Variants in CACNA1G observed in about 807,000 individuals in gnomAD.
The protein encoded by CACNA1G is calcium voltage-gated channel subunit alpha1 G.
In CACNA1G, 67 loss-of-function variants were observed where a neutral mutation model predicts 219.4. The observed-to-expected ratio is 0.31, with a 90% CI of 0.25 to 0.37. The LOEUF is 0.37. Ranked by LOEUF, CACNA1G falls within the 10% of genes least tolerant of loss-of-function variation. CACNA1G has a pLI of 1.00. For missense variants in CACNA1G, 2,380 were observed against 3,231.4 expected (o/e 0.74, Z 6.39); for synonymous variants, 1,296 against 1,345.3 (o/e 0.96, Z 0.80).
intron 13 of CACNA1G, 45 bp downstream of exon 13, chr17:50,592,137 A>G: frequency 6.4e-7 from 1 of 1,559,308 alleles, no homozygotes; most frequent in Non-Finnish European, 8.7e-7. Context: ...CAGCAGTCCC[A>G]CTTCCAATTG....
chr17:50,576,250 C>A lies in CACNA1G; in HGVS notation c.1848C>A (p.Pro616=). 3.8e-6 allele frequency: 6 copies of A among 1,596,500 alleles called. No homozygotes were observed. Among genetic ancestry groups the A allele is most frequent in the East Asian group, 2.3e-5 (1 of 43,780 alleles). The stretch of plus-strand genomic sequence containing the variant: ...TAGAGGTGGCTGCCAGCTCTGGGCC[C>A]CCAACCCTCACCAGCCTCAACATCC... ...ALVEVAASSG[P]PTLTSLNIPP... The change falls in exon 8 of 38, where the codon CCC becomes CCA. Residue 616 remains proline (P), a synonymous_variant. Coordinates refer to ENST00000359106, the MANE Select transcript of CACNA1G (RefSeq NM_018896.5).
chr17:50,595,737 C>G (rs1428638484), intron 14 of CACNA1G, among the ~76,000 whole-genome samples: 6 of 152,376 alleles, frequency 3.9e-5, no homozygotes, highest in African/African-American at 1.4e-4. Flanking sequence ...AGCCAGCATT[C>G]CTGTGGGACC....
chr17:50,624,171 C>A, intron 36 of CACNA1G, 96 bp downstream of exon 36: 1 of 1,460,444 alleles, frequency 6.8e-7, no homozygotes, highest in Non-Finnish European at 9.4e-7. Flanking sequence ...ACTGAGGCAG[C>A]CAAAGAGGTA....
At position 50,617,967 on chromosome 17, in the gene CACNA1G, T is replaced by G. The variant is rs1598742306; in HGVS notation, c.5226+38T>G. On this transcript the variant is annotated intron_variant, in intron 30 of 37. Coordinates refer to ENST00000359106, the MANE Select transcript of CACNA1G (RefSeq NM_018896.5). The surrounding 1 kb of genome is among the most constrained non-coding windows in gnomAD (Gnocchi z 5.8). ...TGGGGGGCCTCTGGGGAGGGGGAGGTGCTTTCCAGAGGGAAGGGGCTCAGA... is the reference window on the plus strand; with the variant it reads ...TGGGGGGCCTCTGGGGAGGGGGAGGGGCTTTCCAGAGGGAAGGGGCTCAGA... 6.2e-7 allele frequency: 1 copy of G among 1,611,644 alleles called. No homozygotes were observed. Among genetic ancestry groups the G allele is most frequent in the Non-Finnish European group, 8.5e-7 (1 of 1,178,320 alleles).
At chr17:50,590,779 C>T (rs549574805) in intron 10 of CACNA1G, among the ~76,000 whole-genome samples, 157 bp downstream of exon 10, 56 of 152,274 alleles carry the variant, frequency 3.7e-4, no homozygotes, top group African/African-American at 8.7e-4. Flanking sequence ...GTGGGGGGCT[C>T]TCTGTGTCCC....
At chr17:50,619,899 G>C in intron 34 of CACNA1G, 73 bp downstream of exon 34, 10 of 1,433,044 alleles carry the variant, frequency 7.0e-6, no homozygotes, top group Non-Finnish European at 9.3e-6. Flanking sequence ...ATGCTTCTGG[G>C]GAAGCTGGGA....
At chr17:50,568,752 C>G in intron 1 of CACNA1G, 118 bp from the exon 2 acceptor site, 1 of 782,730 alleles carries the variant, frequency 1.3e-6, no homozygotes, top group South Asian at 1.5e-5. Flanking sequence ...GGCCCTGGCA[C>G]CACACCTGCT....
Position 50,607,992 on chromosome 17 carries a change from C to A in CACNA1G, c.4678C>A (p.Leu1560Ile). 6.2e-7 allele frequency: 1 copy of A among 1,612,004 alleles called. No individual in the cohort carries two copies. The highest frequency in any genetic ancestry group is 1.1e-5 in the South Asian group (1 of 90,738). The change falls in exon 25 of 38, where the codon CTA becomes ATA. Residue 1560 changes from leucine (L) to isoleucine (I), a missense_variant. Physicochemically the swap from Leu to Ile is conservative, Grantham distance 5. Coordinates refer to ENST00000359106, the MANE Select transcript of CACNA1G (RefSeq NM_018896.5). ...EEARRREEKR[L>I]RRLEKKRRNL... is the part of the protein sequence containing the mutation. The stretch of plus-strand genomic sequence containing the variant: ...GGCCCGGCGGCGGGAGGAGAAGCGC[C>A]TACGAAGACTGGAGAAAAAGAGAAG...
At chr17:50,569,644 C>G in intron 3 of CACNA1G, 62 bp from the exon 4 acceptor site, 1 of 1,165,370 alleles carries the variant, frequency 8.6e-7, no homozygotes, top group Non-Finnish European at 1.2e-6. Context: ...TCCTCATTGA[C>G]CTCTTTTGAC....
rs563655213 is a variant in CACNA1G, at chr17:50,565,412, C to T, written c.243-3458C>T. On this transcript the variant is annotated intron_variant, in intron 1 of 37. Transcript: ENST00000359106. ...CGGGGGGTTCTGCTGGGGGAATCCC[C>T]CTTTGAGCTTTGGAGCAGGGCGGAG... 3.9e-4 allele frequency among the ~76,000 whole-genome samples: 60 copies of T among 152,134 alleles called. 1 individual carries two copies. The East Asian group carries it at 0.011, about 29-fold the overall frequency.
chr17:50,609,960 A>G, intron 26 of CACNA1G, 25 bp downstream of exon 26: 2 of 1,603,252 alleles, frequency 1.2e-6, no homozygotes, highest in Non-Finnish European at 1.7e-6. Flanking sequence ...GTGTGGGCTC[A>G]TGCGTGTGGG....
chr17:50,580,805 G>A, intron 9 of CACNA1G, among the ~76,000 whole-genome samples: 1 of 152,192 alleles, frequency 6.6e-6, no homozygotes, highest in African/African-American at 2.4e-5. Flanking sequence ...GCAGATGACT[G>A]ACAGCTGTCC....
At chr17:50,561,916 G>C (rs2035823120) in intron 1 of CACNA1G, 1 of 221,186 alleles carries the variant, frequency 4.5e-6, no homozygotes, top group Admixed American at 5.6e-5. Context: ...TACCCCACCT[G>C]CGTACACACA....
chr17:50,564,125 AGTGTGTGT>A (rs67152102), intron 1 of CACNA1G, among the ~76,000 whole-genome samples: 1,485 of 138,676 alleles, frequency 0.011, 16 homozygotes, highest in Non-Finnish European at 0.016. Context: ...CCAGGTAGGA[AGTGTGTGT>A]GTGTGTGTGT....
Position 50,604,421 on chromosome 17 carries a change from C to G in CACNA1G, c.4296+140C>G, listed in dbSNP as rs533892268. On this transcript the variant is annotated intron_variant, in intron 22 of 37. Transcript: ENST00000359106. ...AAGCAGGGACGCTTCCCTCCAGGCT[C>G]TAGGCCCTTTTACCTCCTGGGCATT... 5.2e-5 allele frequency: 59 copies of G among 1,131,706 alleles called. No homozygotes were observed. In the South Asian group the frequency reaches 9.5e-4, roughly 18 times the overall value. 70.1% of individuals were successfully genotyped at this position (1,131,706 alleles called of 1,614,324 possible).
intron 9 of CACNA1G, among the ~76,000 whole-genome samples, chr17:50,581,195 C>G (rs996438734): frequency 5.9e-5 from 9 of 151,312 alleles, no homozygotes; most frequent in Admixed American, 5.9e-4. Flanking sequence ...ACAAATGGAG[C>G]CACAGAGACA....
chr17:50,601,153 C>G lies in CACNA1G; in HGVS notation c.3894C>G (p.Pro1298=). 6.2e-7 allele frequency: 1 copy of G among 1,613,884 alleles called. No individual in the cohort carries two copies. The highest frequency in any genetic ancestry group is 1.1e-5 in the South Asian group (1 of 91,086). Residue 1298 remains proline (P), a synonymous_variant, in exon 19 of 38, where the codon CCC becomes CCG. Transcript: ENST00000359106. Reference sequence around the variant, plus strand: ...GCATCACCATCGCCATGGAGCGCCCCAAAATTGACCCCCACAGCGCTGTGA... The same window carrying G: ...GCATCACCATCGCCATGGAGCGCCCGAAAATTGACCCCCACAGCGCTGTGA... ...LNCITIAMER[P]KIDPHSAERI...
chr17:50,569,539 A>T (rs1339900329), intron 3 of CACNA1G, among the ~76,000 whole-genome samples, 167 bp from the exon 4 acceptor site: 1 of 151,892 alleles, frequency 6.6e-6, no homozygotes, highest in Non-Finnish European at 1.5e-5. Context: ...GTCTCGGGGT[A>T]GCCTTGCCCC....
chr17:50,604,246 G>A lies in CACNA1G; in HGVS notation c.4261G>A (p.Ala1421Thr), dbSNP rs1811435169. 6.2e-7 allele frequency: 1 copy of A among 1,613,610 alleles called. No homozygotes were observed. The highest frequency in any genetic ancestry group is 1.3e-5 in the African/African-American group (1 of 74,930). Residue 1421 changes from alanine (A) to threonine (T), a missense_variant, in exon 22 of 38, where the codon GCC becomes ACC. Around this residue, in one of 17 missense-constraint regions of CACNA1G, gnomAD observed 153 missense variants for 374.9 expected, o/e 0.41. Coordinates refer to ENST00000359106, the MANE Select transcript of CACNA1G (RefSeq NM_018896.5). The stretch of plus-strand genomic sequence containing the variant: ...CGGCAACATTGTAGTCATCTGCTGT[G>A]CCTTCTTCATCATTTTCGGCATCTT... ...PIGNIVVICC[A>T]FFIIFGILGV... is the part of the protein sequence containing the mutation.
Sources: gnomAD v4.1 joint callset for allele counts (sites outside exome capture counted in the v4.1 genomes callset) on GRCh38, gnomAD v4.1.1 for gene constraint, gnomAD v4.1.1 regional missense constraint, Gnocchi (gnomAD v3.1) non-coding constraint, MANE v1.5 for transcripts, NCBI Gene and HGNC (gene_info 2026-07-23, HGNC 2026-07-21) for gene names.